PDE4D: variants seen among roughly 807,000 people sequenced by gnomAD.
PDE4D encodes phosphodiesterase 4D, also known as 3',5'-cyclic-AMP phosphodiesterase 4D.
A neutral mutation model predicts 87.4 loss-of-function variants in PDE4D; 24 were observed. The observed-to-expected ratio is 0.27, with a 90% CI of 0.20 to 0.39. The LOEUF is 0.39. Ranked by LOEUF, PDE4D falls within the 10% of genes least tolerant of loss-of-function variation. PDE4D has a pLI of 1.00. For missense variants in PDE4D, 714 were observed against 1,041.0 expected, an observed-to-expected ratio of 0.69 and a Z score of 4.32; for synonymous variants, 384 against 383.2, an observed-to-expected ratio of 1.00 and a Z score of -0.02.
chr5:59,809,512 T>G (rs76679069), intron 1 of PDE4D, among the ~76,000 whole-genome samples: 1 of 152,156 alleles, frequency 6.6e-6, no homozygotes, highest in African/African-American at 2.4e-5. Context: ...GGTACATTTA[T>G]GTACCAAATT....
intron 1 of PDE4D, among the ~76,000 whole-genome samples, chr5:59,700,540 AAAG>A (rs1752419412): frequency 6.6e-6 from 1 of 152,220 alleles, no homozygotes; most frequent in Admixed American, 6.5e-5. Flanking sequence ...ATAAATGAAC[AAAG>A]AAGGAGAATA....
At chr5:60,485,878 T>C (rs907560704) in intron 1 of PDE4D, among the ~76,000 whole-genome samples, 15 of 152,220 alleles carry the variant, frequency 9.9e-5, no homozygotes, top group Non-Finnish European at 1.8e-4. Context: ...AAAGTACCGA[T>C]GCAAGACGTA....
chr5:59,254,426 T>C (rs528222348), intron 1 of PDE4D, among the ~76,000 whole-genome samples: 3 of 152,004 alleles, frequency 2.0e-5, no homozygotes, highest in Admixed American at 1.3e-4. Flanking sequence ...GGCTTAAAGA[T>C]AGAAAAGCAG....
chr5:59,685,285 T>C (rs1256294652), intron 1 of PDE4D, among the ~76,000 whole-genome samples: 1 of 152,218 alleles, frequency 6.6e-6, no homozygotes. Flanking sequence ...ACAGCTCACG[T>C]AGGTCTTTAC....
chr5:60,263,463 A>G (rs368952155), intron 1 of PDE4D, among the ~76,000 whole-genome samples: 1 of 152,200 alleles, frequency 6.6e-6, no homozygotes, highest in East Asian at 1.9e-4. Context: ...AATTAGTAAC[A>G]TCTCTAGAAT....
chr5:59,504,902 A>G (rs867746935), intron 1 of PDE4D, among the ~76,000 whole-genome samples: 20 of 145,820 alleles, frequency 1.4e-4, no homozygotes, highest in South Asian at 9.0e-4. Flanking sequence ...GTAGGGGTAT[A>G]TGTGTGTGTG....
intron 2 of PDE4D, among the ~76,000 whole-genome samples, chr5:60,168,560 G>A (rs937793455): frequency 7.2e-5 from 11 of 152,260 alleles, no homozygotes; most frequent in African/African-American, 2.2e-4. Context: ...GGTATCCGTG[G>A]GAGATTGGTT....
intron 1 of PDE4D, among the ~76,000 whole-genome samples, chr5:59,485,935 C>T (rs1805065950): frequency 6.6e-6 from 1 of 151,996 alleles, no homozygotes; most frequent in African/African-American, 2.4e-5. Flanking sequence ...AGTTTGCTAT[C>T]TAAATACCAT....
chr5:59,178,479 G>T (rs1249038088), intron 5 of PDE4D, among the ~76,000 whole-genome samples: 1 of 152,024 alleles, frequency 6.6e-6, no homozygotes, highest in African/African-American at 2.4e-5. Context: ...CTCTGGTATT[G>T]CTCCAGGACC....
chr5:59,208,046 A>C (rs1203400233), intron 2 of PDE4D, among the ~76,000 whole-genome samples: 1 of 151,524 alleles, frequency 6.6e-6, no homozygotes, highest in Non-Finnish European at 1.5e-5. Context: ...AGGTACCTGT[A>C]ATCCCAGCTA....
chr5:59,411,313 T>C (rs1348710), intron 1 of PDE4D, among the ~76,000 whole-genome samples: 25,778 of 152,202 alleles, frequency 0.17, 2,912 homozygotes, highest in African/African-American at 0.31. Context: ...TAGTTGTTTC[T>C]TCTCGTCACC....
chr5:59,084,528 C>CAA (rs5868153), intron 5 of PDE4D, among the ~76,000 whole-genome samples: 132 of 151,530 alleles, frequency 8.7e-4, no homozygotes, highest in Middle Eastern at 3.5e-3. Context: ...GAATAAATGG[C>CAA]AAAAAAGTGT....
intron 5 of PDE4D, among the ~76,000 whole-genome samples, chr5:59,168,451 A>G (rs1190177384): frequency 6.6e-6 from 1 of 152,220 alleles, no homozygotes; most frequent in East Asian, 1.9e-4. Context: ...GACAACGGGC[A>G]CTTCAGAAGA....
intron 3 of PDE4D, among the ~76,000 whole-genome samples, chr5:59,928,016 T>G (rs1047095433): frequency 2.6e-5 from 4 of 152,168 alleles, no homozygotes; most frequent in African/African-American, 7.2e-5. Flanking sequence ...CCCAGCAGAT[T>G]TGAATCAGGG....
At chr5:60,063,141 AGAAAGAAAG>A (rs1771649709) in intron 2 of PDE4D, among the ~76,000 whole-genome samples, 1 of 146,228 alleles carries the variant, frequency 6.8e-6, no homozygotes, top group Non-Finnish European at 1.5e-5. Context: ...AAAGAAAGAA[AGAAAGAAAG>A]AAAGAAGGAA....
At chr5:59,450,362 C>A (rs1582662283) in intron 1 of PDE4D, among the ~76,000 whole-genome samples, 1 of 152,046 alleles carries the variant, frequency 6.6e-6, no homozygotes, top group South Asian at 2.1e-4. Flanking sequence ...AAGTTCACAA[C>A]TCAATCACTC....
chr5:59,779,420 C>A (rs80112491), intron 1 of PDE4D, among the ~76,000 whole-genome samples: 18 of 151,980 alleles, frequency 1.2e-4, no homozygotes, highest in African/African-American at 3.4e-4. Flanking sequence ...GCTATTAGGA[C>A]GTGAAATGAG....
intron 3 of PDE4D, among the ~76,000 whole-genome samples, chr5:59,920,505 AT>A (rs1380589320): frequency 6.6e-6 from 1 of 152,002 alleles, no homozygotes; most frequent in East Asian, 1.9e-4. Context: ...AACAGGGAGT[AT>A]TTTTTCGTCT....
intron 1 of PDE4D, among the ~76,000 whole-genome samples, chr5:59,535,242 C>A (rs1206003197): frequency 6.6e-6 from 1 of 152,220 alleles, no homozygotes; most frequent in Admixed American, 6.5e-5. Context: ...GCAGCGGAGT[C>A]ATGAAAGACA....
Sources: allele counts gnomAD v4.1 joint callset (sites outside exome capture counted in the v4.1 genomes callset), GRCh38; gene constraint gnomAD v4.1.1; transcripts MANE v1.5; gene names NCBI Gene and HGNC (gene_info 2026-07-23, HGNC 2026-07-21).